Variants in RNF152 observed in about 807,000 individuals in gnomAD.
The protein encoded by RNF152 is E3 ubiquitin-protein ligase RNF152.
Under a neutral mutation model 12.7 loss-of-function variants are expected in RNF152, and 11 were observed. That is an observed-to-expected ratio of 0.86 (90% CI 0.54 to 1.43). The LOEUF (loss-of-function observed/expected upper bound fraction) is 1.43. Among genes scored for constraint, RNF152 ranks in the 40% most tolerant of loss-of-function variants. The pLI is 0.00. For synonymous variants in RNF152, 113 were observed against 120.3 expected (o/e 0.94, Z 0.40); for missense variants, 255 against 274.8 (o/e 0.93, Z 0.51).
At position 61,809,794 on chromosome 18, in the gene RNF152, T is replaced by C. The variant is rs1351635809; in HGVS notation, c.*6058A>G. ...AAAATCGAGCTAATGAGATGAGTATTTCAAGCACCACTACATCATAGGTGA... is the reference window on the plus strand; with the variant it reads ...AAAATCGAGCTAATGAGATGAGTATCTCAAGCACCACTACATCATAGGTGA... On this transcript the variant is annotated 3_prime_UTR_variant, in exon 2 of 2. Transcript: ENST00000312828. The C allele has an allele frequency of 6.6e-6, 1 of 150,544 alleles. No homozygotes were observed. Among genetic ancestry groups the C allele is most frequent in the East Asian group, 1.9e-4 (1 of 5,156 alleles). The allele number at this position is 150,544 out of a possible 1,614,324, so 9.3% of individuals were successfully genotyped here.
chr18:61,886,007 T>G (rs992837234), intron 1 of RNF152, among the ~76,000 whole-genome samples: 1 of 108,452 alleles, frequency 9.2e-6, no homozygotes, highest in African/African-American at 3.8e-5. Flanking sequence ...TTTTTTTTTT[T>G]TTTTTTGTGG....
At position 61,862,782 on chromosome 18, in the gene RNF152, C is replaced by T. The variant is rs149112374; in HGVS notation, c.-136+30013G>A. 5.2e-4 allele frequency among the ~76,000 whole-genome samples: 79 copies of T among 152,286 alleles called. 1 individual carries two copies. The highest frequency in any genetic ancestry group is 1.9e-3 in the African/African-American group (78 of 41,556). On this transcript the variant is annotated intron_variant, in intron 1 of 1. Transcript: ENST00000312828. ...TCCAGCAAATTCATCAAAGCCAAAG[C>T]GGGGGTTCTGGGGACCCCAACTTGA... is the stretch of plus-strand genomic sequence containing the variant.
In RNF152 at chr18:61,858,301, C is replaced by T. The variant is rs528517712; in HGVS notation, c.-136+34494G>A. Among the ~76,000 whole-genome samples, 9 of 151,946 alleles carry T rather than the reference C, an allele frequency of 5.9e-5. No homozygotes were observed. In the South Asian group the frequency reaches 1.9e-3, roughly 32 times the overall value. ...TTGTTAGATTCCTGCCAGCCCCTCCCTCCCCCAAGCCCTCTGGAACTATCT... is the reference window on the plus strand; with the variant it reads ...TTGTTAGATTCCTGCCAGCCCCTCCTTCCCCCAAGCCCTCTGGAACTATCT... On this transcript the variant is annotated intron_variant, in intron 1 of 1. Coordinates refer to ENST00000312828, the MANE Select transcript of RNF152 (RefSeq NM_173557.3).
At chr18:61,818,365 G>A (rs1162394606) in intron 1 of RNF152, among the ~76,000 whole-genome samples, 1 of 152,058 alleles carries the variant, frequency 6.6e-6, no homozygotes, top group Non-Finnish European at 1.5e-5. Context: ...TGAGGCTGCA[G>A]TGAGCCGTGT....
chr18:61,866,711 A>C (rs187663264), intron 1 of RNF152, among the ~76,000 whole-genome samples: 36 of 152,166 alleles, frequency 2.4e-4, no homozygotes, highest in African/African-American at 8.7e-4. Flanking sequence ...CCCTTCATCA[A>C]CCATTCACTA....
chr18:61,890,763 G>T (rs1912920271), intron 1 of RNF152, among the ~76,000 whole-genome samples: 1 of 152,182 alleles, frequency 6.6e-6, no homozygotes, highest in Non-Finnish European at 1.5e-5. Context: ...GACAGCATAG[G>T]TGGGTTCAAA....
chr18:61,817,559 T>A (rs768159782), intron 1 of RNF152, among the ~76,000 whole-genome samples: 1 of 152,168 alleles, frequency 6.6e-6, no homozygotes, highest in African/African-American at 2.4e-5. Flanking sequence ...GGCCATCTTT[T>A]CATATTCTTG....
Position 61,815,823 on chromosome 18 carries a change from A to G in RNF152, c.*29T>C, listed in dbSNP as rs1909037306. 6.2e-7 allele frequency: 1 copy of G among 1,601,124 alleles called. No homozygotes were observed. Among genetic ancestry groups the G allele is most frequent in the Admixed American group, 1.7e-5 (1 of 59,556 alleles). On this transcript the variant is annotated 3_prime_UTR_variant, in exon 2 of 2. Coordinates refer to ENST00000312828, the MANE Select transcript of RNF152 (RefSeq NM_173557.3). ...CAACCTGCTCAACCCCTAAGTTGGC[A>G]CCCACAAGAGACTTCCCTGCAGCCC...
intron 1 of RNF152, among the ~76,000 whole-genome samples, chr18:61,857,879 T>C (rs1568282337): frequency 1.3e-5 from 2 of 152,302 alleles, no homozygotes; most frequent in East Asian, 3.9e-4. Flanking sequence ...AATAACACAT[T>C]TGCCTTGTGA....
chr18:61,880,813 G>A (rs1220991236), intron 1 of RNF152, among the ~76,000 whole-genome samples: 1 of 151,920 alleles, frequency 6.6e-6, no homozygotes, highest in Admixed American at 6.6e-5. Flanking sequence ...GACTAAAACT[G>A]AATTTTGAAA....
intron 1 of RNF152, among the ~76,000 whole-genome samples, chr18:61,840,689 C>T (rs1186493011): frequency 6.6e-6 from 1 of 152,110 alleles, no homozygotes; most frequent in Non-Finnish European, 1.5e-5. Context: ...GGCCTAGCAC[C>T]CAGGGACCTA....
chr18:61,851,223 G>A (rs1407568008), intron 1 of RNF152, among the ~76,000 whole-genome samples: 1 of 151,692 alleles, frequency 6.6e-6, no homozygotes, highest in African/African-American at 2.4e-5. Context: ...ACTACTTTGT[G>A]TCAATATTTT....
At chr18:61,823,576 G>A (rs943910798) in intron 1 of RNF152, among the ~76,000 whole-genome samples, 1 of 152,388 alleles carries the variant, frequency 6.6e-6, no homozygotes, top group East Asian at 1.9e-4. Flanking sequence ...TGGGATCACA[G>A]GCGTGAGCCA....
At chr18:61,818,202 C>T (rs1230610119) in intron 1 of RNF152, among the ~76,000 whole-genome samples, 1 of 152,108 alleles carries the variant, frequency 6.6e-6, no homozygotes, top group Non-Finnish European at 1.5e-5. Context: ...GAGGGGGAAT[C>T]GTTTGAGCTC....
At chr18:61,891,435 TAA>T (rs11290555) in intron 1 of RNF152, among the ~76,000 whole-genome samples, 5 of 151,122 alleles carry the variant, frequency 3.3e-5, no homozygotes, top group South Asian at 2.1e-4. Context: ...TTCTTTCTAT[TAA>T]AAAAAAAACC....
At chr18:61,883,197 C>A (rs1012171668) in intron 1 of RNF152, among the ~76,000 whole-genome samples, 2 of 152,160 alleles carry the variant, frequency 1.3e-5, no homozygotes, top group African/African-American at 4.8e-5. Flanking sequence ...CTTCTCTATG[C>A]AGCTTTCAAA....
chr18:61,865,826 A>G (rs1246840717), intron 1 of RNF152, among the ~76,000 whole-genome samples: 3 of 152,218 alleles, frequency 2.0e-5, no homozygotes, highest in Non-Finnish European at 2.9e-5. Context: ...CCTACAAAAA[A>G]TCTGCTCAAA....
chr18:61,863,747 C>A (rs992472996), intron 1 of RNF152, among the ~76,000 whole-genome samples: 1 of 152,142 alleles, frequency 6.6e-6, no homozygotes, highest in Non-Finnish European at 1.5e-5. Flanking sequence ...GGGGGCATTA[C>A]ACACTAATGT....
intron 1 of RNF152, among the ~76,000 whole-genome samples, chr18:61,870,607 T>C (rs1467549989): frequency 6.6e-6 from 1 of 152,188 alleles, no homozygotes; most frequent in Non-Finnish European, 1.5e-5. Flanking sequence ...ACCAGGGCAT[T>C]CTTCCTCTTC....
Sources: gnomAD v4.1 joint callset for allele counts (sites outside exome capture counted in the v4.1 genomes callset) on GRCh38, gnomAD v4.1.1 for gene constraint, MANE v1.5 for transcripts, NCBI Gene and HGNC (gene_info 2026-07-23, HGNC 2026-07-21) for gene names.